KANK1: variants seen among roughly 807,000 people sequenced by gnomAD.
KANK1 encodes KN motif and ankyrin repeat domains 1, also known as KN motif and ankyrin repeat domain-containing protein 1.
A neutral mutation model predicts 106.2 loss-of-function variants in KANK1; 109 were observed. That is an observed-to-expected ratio of 1.03 (90% confidence interval 0.88 to 1.20). The LOEUF (loss-of-function observed/expected upper bound fraction) is 1.20, where lower values mean the gene tolerates loss of function less well. Among genes scored for constraint, KANK1 ranks in the 50% most tolerant of loss-of-function variants. The pLI is 0.00. For missense variants in KANK1, 2,399 were observed against 1,710.7 expected (o/e 1.40, Z -7.10); for synonymous variants, 873 against 652.2 (o/e 1.34, Z -5.16).
In KANK1 at chr9:631,116, T is replaced by C. The variant is rs533691708; in HGVS notation, c.-83-45774T>C. 7.9e-5 allele frequency among the ~76,000 whole-genome samples: 12 copies of C among 152,280 alleles called. No individual in the cohort carries two copies. In the South Asian group the frequency reaches 1.9e-3, roughly 24 times the overall value. ...TTTGCTGCTGTTATTGTTGTTTCTG[T>C]TCAGCGTTAATACGTTTTGCATTGT... is the stretch of plus-strand genomic sequence containing the variant. On this transcript the variant is annotated intron_variant, in intron 1 of 11. Coordinates refer to ENST00000382297, the MANE Select transcript of KANK1 (RefSeq NM_015158.5).
chr9:482,765 G>A (rs183225075), intron 3 of KANK1, among the ~76,000 whole-genome samples: 14 of 152,244 alleles, frequency 9.2e-5, no homozygotes, highest in Admixed American at 7.2e-4. Flanking sequence ...CGCATTTGAT[G>A]TATGAATTTG....
At position 724,662 on chromosome 9, in the gene KANK1, C is replaced by T. The variant is rs748730752; in HGVS notation, c.2699-5389C>T. Among the ~76,000 whole-genome samples the T allele has an allele frequency of 2.0e-4, 31 of 151,992 alleles. 1 individual carries two copies. Among genetic ancestry groups the T allele is most frequent in the Admixed American group, 1.6e-3 (25 of 15,256 alleles). Reference sequence around the variant, plus strand: ...ACTAAAAATACAAAAAACAGCTGGGCGTGGTGGCGGGCACTTGTAATCCCA... The same window carrying T: ...ACTAAAAATACAAAAAACAGCTGGGTGTGGTGGCGGGCACTTGTAATCCCA... On this transcript the variant is annotated intron_variant, in intron 3 of 11. Coordinates refer to ENST00000382297, the MANE Select transcript of KANK1 (RefSeq NM_015158.5).
intron 1 of KANK1, among the ~76,000 whole-genome samples, chr9:623,928 C>A (rs926530118): frequency 2.6e-5 from 4 of 151,994 alleles, no homozygotes; most frequent in African/African-American, 9.7e-5. Flanking sequence ...ATCTTCACTT[C>A]CATATTTATT....
At chr9:740,977 C>G (rs578185904) in intron 9 of KANK1, 43 bp downstream of exon 9, 3 of 1,607,682 alleles carry the variant, frequency 1.9e-6, no homozygotes, top group Non-Finnish European at 2.5e-6. Flanking sequence ...CACCCGTAAC[C>G]AGCAGACAGG....
chr9:526,421 C>T (rs1259388136), intron 1 of KANK1, among the ~76,000 whole-genome samples: 2 of 151,612 alleles, frequency 1.3e-5, no homozygotes, highest in Non-Finnish European at 2.9e-5. Context: ...GGCTCTAGGA[C>T]AGATTTTAAG....
chr9:694,723 C>T (rs1293541647), intron 2 of KANK1, among the ~76,000 whole-genome samples: 1 of 152,170 alleles, frequency 6.6e-6, no homozygotes, highest in Non-Finnish European at 1.5e-5. Context: ...TCCCCTCACT[C>T]TTACGTGCAG....
intron 1 of KANK1, among the ~76,000 whole-genome samples, chr9:613,283 C>T (rs1017048464): frequency 2.0e-5 from 3 of 150,560 alleles, no homozygotes; most frequent in South Asian, 4.3e-4. Flanking sequence ...GACAAGTGGA[C>T]CATGCTGTGA....
At chr9:722,837 A>G (rs147206182) in intron 3 of KANK1, among the ~76,000 whole-genome samples, 180 of 152,308 alleles carry the variant, frequency 1.2e-3, no homozygotes, top group Non-Finnish European at 2.2e-3. Flanking sequence ...TGTTCTAAGC[A>G]CTGGACAGGA....
At chr9:655,698 A>G (rs778287688) in intron 1 of KANK1, among the ~76,000 whole-genome samples, 9 of 152,218 alleles carry the variant, frequency 5.9e-5, no homozygotes, top group Non-Finnish European at 1.3e-4. Context: ...CACAGTTTTT[A>G]TATATTTTTA....
intron 1 of KANK1, among the ~76,000 whole-genome samples, chr9:656,888 T>A (rs4740843): frequency 0.19 from 28,481 of 152,142 alleles, 3,003 homozygotes; most frequent in East Asian, 0.32. Context: ...CCTTTTTTTT[T>A]ATTGTGGTGA....
At chr9:499,380 A>T (rs1226329739) in intron 3 of KANK1, among the ~76,000 whole-genome samples, 1 of 152,210 alleles carries the variant, frequency 6.6e-6, no homozygotes, top group African/African-American at 2.4e-5. Flanking sequence ...TGGTACATCC[A>T]CACAATAGAA....
chr9:590,699 C>CT (rs768264228), intron 1 of KANK1, among the ~76,000 whole-genome samples: 4 of 151,464 alleles, frequency 2.6e-5, no homozygotes, highest in Non-Finnish European at 5.9e-5. Flanking sequence ...ATGCACCCTG[C>CT]TTTTCTCAGT....
chr9:677,358 C>T (rs548880647), intron 2 of KANK1, among the ~76,000 whole-genome samples: 2 of 152,246 alleles, frequency 1.3e-5, no homozygotes, highest in African/African-American at 4.8e-5. Context: ...AGTTTGGATG[C>T]TTAAAACCAA....
chr9:507,197 AT>A (rs2058801332), intron 1 of KANK1, among the ~76,000 whole-genome samples: 1 of 151,816 alleles, frequency 6.6e-6, no homozygotes, highest in Non-Finnish European at 1.5e-5. Flanking sequence ...TACAAAAAAA[AT>A]AAAAAATAAC....
chr9:539,624 G>A (rs1170171752), intron 1 of KANK1: 2 of 152,124 alleles, frequency 1.3e-5, no homozygotes, highest in Admixed American at 6.6e-5. Context: ...CCAAGTAACT[G>A]TGACTGCAGG....
chr9:509,389 C>T (rs561123772), intron 1 of KANK1, among the ~76,000 whole-genome samples: 1 of 152,320 alleles, frequency 6.6e-6, no homozygotes, highest in East Asian at 1.9e-4. Flanking sequence ...AGCCACTGGC[C>T]CAATATGACC....
At chr9:638,013 G>T (rs1837547128) in intron 1 of KANK1, among the ~76,000 whole-genome samples, 1 of 152,132 alleles carries the variant, frequency 6.6e-6, no homozygotes, top group Admixed American at 6.5e-5. Flanking sequence ...TGACAGAATG[G>T]CTGTAGAAGT....
intron 2 of KANK1, among the ~76,000 whole-genome samples, chr9:685,989 C>T (rs1379671716): frequency 6.6e-6 from 1 of 152,132 alleles, no homozygotes; most frequent in Non-Finnish European, 1.5e-5. Flanking sequence ...TGTTTCTGTA[C>T]AGCAGGTACA....
intron 1 of KANK1, among the ~76,000 whole-genome samples, chr9:520,947 G>A (rs2059518269): frequency 6.6e-6 from 1 of 151,676 alleles, no homozygotes; most frequent in African/African-American, 2.4e-5. Context: ...ATTTAATATG[G>A]TTTTGGCAGC....
Sources: allele counts gnomAD v4.1 joint callset (sites outside exome capture counted in the v4.1 genomes callset), GRCh38; gene constraint gnomAD v4.1.1; transcripts MANE v1.5; gene names NCBI Gene and HGNC (gene_info 2026-07-23, HGNC 2026-07-21).